CARD8: variants seen among roughly 807,000 people sequenced by gnomAD.
CARD8 encodes caspase recruitment domain family member 8.
A neutral mutation model predicts 53.2 loss-of-function variants in CARD8; 38 were observed. The observed-to-expected ratio is 0.71, with a 90% CI of 0.55 to 0.94. The LOEUF is 0.94. Among genes scored for constraint, CARD8 ranks in the 40% least tolerant of loss-of-function variants. The probability of loss-of-function intolerance (pLI) is 0.00; values close to 1 mark genes in which losing one functional copy is unlikely to be tolerated. For missense variants in CARD8, 561 were observed against 655.5 expected, an observed-to-expected ratio of 0.86 and a Z score of 1.57; for synonymous variants, 245 against 244.9, an observed-to-expected ratio of 1.00 and a Z score of 0.00.
rs2037975130 is a variant in CARD8, at chr19:48,211,590, T to G, written c.*120A>C. ...TACAAGTCTGTCCTGAAAGCCTGTG[T>G]GATAGATGTTACCCAGTCTTCTTCT... On this transcript the variant is annotated 3_prime_UTR_variant, in exon 14 of 14. Transcript: ENST00000651546. The G allele has an allele frequency of 2.1e-6, 2 of 949,348 alleles. No individual in the cohort carries two copies. Among genetic ancestry groups the G allele is most frequent in the Non-Finnish European group, 3.2e-6 (2 of 627,378 alleles). The allele number at this position is 949,348 out of a possible 1,614,324, so 58.8% of individuals were successfully genotyped here.
rs927557332 is a variant in CARD8 at position 48,241,265 on chromosome 19, C to CT, written c.-43-203dup. On this transcript the variant is annotated intron_variant, in intron 3 of 13. Transcript: ENST00000651546. ...TTGTAAAACAGAAACTAGAAACTTC[C>CT]TTTTTTTTTAGATGGAGTCTAGCTC... Among the ~76,000 whole-genome samples, 9 of 151,022 alleles carry CT rather than the reference C, an allele frequency of 6.0e-5. No individual in the cohort carries two copies. The East Asian group carries it at 7.8e-4, about 13-fold the overall frequency.
Position 48,209,441 on chromosome 19 carries a change from A to C in CARD8, c.*2269T>G, listed in dbSNP as rs2037678217. The C allele has an allele frequency of 6.6e-6, 1 of 152,174 alleles. No homozygotes were observed. 9.4% of individuals were successfully genotyped at this position (152,174 alleles called of 1,614,324 possible). A position where few individuals can be genotyped will look rare whatever the true frequency, so the allele number is the denominator to read the frequency against. ...CCAAAATTTAAAAGGTGGTGAATGC[A>C]CTCAGTGGGACGACACAGATAACAA... is the stretch of plus-strand genomic sequence containing the variant. On this transcript the variant is annotated 3_prime_UTR_variant, in exon 14 of 14. Coordinates refer to ENST00000651546, the MANE Select transcript of CARD8 (RefSeq NM_001184900.3).
At chr19:48,244,110 A>AT (rs2045705555) in intron 3 of CARD8, among the ~76,000 whole-genome samples, 1 of 152,072 alleles carries the variant, frequency 6.6e-6, no homozygotes, top group Non-Finnish European at 1.5e-5. Flanking sequence ...AGATATTCAA[A>AT]AATGAGAAAT....
intron 3 of CARD8, among the ~76,000 whole-genome samples, chr19:48,248,948 A>G (rs902480747): frequency 2.6e-5 from 4 of 152,264 alleles, no homozygotes; most frequent in African/African-American, 9.6e-5. Flanking sequence ...CTGTAATCCC[A>G]ACACTTTGGG....
At chr19:48,229,803 C>T (rs990057688) in intron 10 of CARD8, among the ~76,000 whole-genome samples, 1 of 152,162 alleles carries the variant, frequency 6.6e-6, no homozygotes, top group African/African-American at 2.4e-5. Context: ...GTGTAATTCA[C>T]ATATTATCCA....
At chr19:48,241,363 C>T (rs1185883284) in intron 3 of CARD8, among the ~76,000 whole-genome samples, 3 of 152,176 alleles carry the variant, frequency 2.0e-5, no homozygotes, top group Non-Finnish European at 4.4e-5. Context: ...TCAAGCGATT[C>T]TCCTGCCTCA....
At chr19:48,229,316 A>C (rs2042398556) in intron 10 of CARD8, among the ~76,000 whole-genome samples, 1 of 152,122 alleles carries the variant, frequency 6.6e-6, no homozygotes, top group African/African-American at 2.4e-5. Flanking sequence ...TAAGCATATG[A>C]GATTTGGGAA....
intron 13 of CARD8, among the ~76,000 whole-genome samples, chr19:48,212,598 G>A (rs1032485482): frequency 6.6e-6 from 1 of 152,200 alleles, no homozygotes; most frequent in Non-Finnish European, 1.5e-5. Flanking sequence ...AGGTTGAGGT[G>A]TGATTTTGAC....
intron 13 of CARD8, among the ~76,000 whole-genome samples, chr19:48,214,133 T>C (rs1221591569): frequency 1.3e-5 from 2 of 152,218 alleles, no homozygotes; most frequent in African/African-American, 4.8e-5. Flanking sequence ...ATCATACTCA[T>C]TGTCTGTATT....
chr19:48,253,127 C>T (rs146929305), intron 1 of CARD8, among the ~76,000 whole-genome samples: 32 of 152,140 alleles, frequency 2.1e-4, no homozygotes, highest in African/African-American at 6.7e-4. Flanking sequence ...TACAGGAAAA[C>T]GTATATGTAC....
Position 48,221,835 on chromosome 19 carries a change from A to T in CARD8, c.1056T>A (p.Asp352Glu). Residue 352 changes from aspartate to glutamate, a missense_variant, in exon 11 of 14, where the codon GAT becomes GAA. Asp to Glu is a conservative substitution (Grantham distance 45). Transcript: ENST00000651546. ...TCTGCAGGCGCACACCATGGAAGCG[A>T]TCTTCCTCATCATCTATCGCCTAAG... ...LLTKAIDDEE[D>E]RFHGVRLQTS... is the part of the protein sequence containing the mutation. 1 of 1,603,756 alleles carries T rather than the reference A, an allele frequency of 6.2e-7. No individual in the cohort carries two copies. The highest frequency in any genetic ancestry group is 8.5e-7 in the Non-Finnish European group (1 of 1,173,284).
chr19:48,255,322 T>C (rs1317789143), intron 1 of CARD8, among the ~76,000 whole-genome samples: 1 of 152,140 alleles, frequency 6.6e-6, no homozygotes, highest in Non-Finnish European at 1.5e-5. Context: ...GCCAAGATCA[T>C]GCCACTGTAC....
chr19:48,213,842 G>A (rs186541202), intron 13 of CARD8, among the ~76,000 whole-genome samples: 3 of 152,262 alleles, frequency 2.0e-5, no homozygotes, highest in Admixed American at 2.0e-4. Flanking sequence ...CTGTTTTGAA[G>A]AGCCAACACA....
At chr19:48,234,618 A>T (rs1359382057) in intron 5 of CARD8, 75 bp from the exon 6 acceptor site, 1 of 1,362,310 alleles carries the variant, frequency 7.3e-7, no homozygotes, top group Admixed American at 2.4e-5. Flanking sequence ...GTGCAGGAAG[A>T]TTTTATGTTA....
At chr19:48,203,170 T>C (rs1188785686), downstream of CARD8, 3 of 152,194 alleles carry the variant, frequency 2.0e-5, no homozygotes, top group African/African-American at 7.2e-5. Flanking sequence ...TCTTTAAATT[T>C]AATTCGTCTG....
Position 48,238,530 on chromosome 19 carries a change from T to C in CARD8, c.62A>G (p.Asp21Gly), listed in dbSNP as rs1028921538. 39 of 1,536,086 alleles carry C rather than the reference T, an allele frequency of 2.5e-5. No homozygotes were observed. The highest frequency in any genetic ancestry group is 3.4e-5 in the Non-Finnish European group (39 of 1,146,898). Residue 21 changes from aspartate to glycine, a missense_variant and splice_region_variant, in exon 5 of 14, where the codon GAC becomes GGC. Coordinates refer to ENST00000651546, the MANE Select transcript of CARD8 (RefSeq NM_001184900.3). ...SSSEEELPRR[D>G]SGSSRNIDAS... ...ATCTATGTTCCTACTGGATCCACTG[T>C]CCCTGGGAAAACACAAATGGAATTG...
At chr19:48,234,608 G>A in intron 5 of CARD8, 65 bp from the exon 6 acceptor site, 1 of 1,430,922 alleles carries the variant, frequency 7.0e-7, no homozygotes, top group Non-Finnish European at 9.5e-7. Flanking sequence ...AGCATAGGCT[G>A]TGCAGGAAGA....
At chr19:48,247,600 T>C (rs955000655) in intron 3 of CARD8, among the ~76,000 whole-genome samples, 4 of 151,742 alleles carry the variant, frequency 2.6e-5, no homozygotes, top group Non-Finnish European at 4.4e-5. Context: ...ATATATACAG[T>C]AACACCACAG....
intron 10 of CARD8, among the ~76,000 whole-genome samples, chr19:48,227,544 C>T (rs2042024132): frequency 6.6e-6 from 1 of 152,090 alleles, no homozygotes; most frequent in Non-Finnish European, 1.5e-5. Flanking sequence ...GTGGTCCATG[C>T]TTGTAATCCC....
Sources: allele counts gnomAD v4.1 joint callset (sites outside exome capture counted in the v4.1 genomes callset), GRCh38; gene constraint gnomAD v4.1.1; transcripts MANE v1.5; gene names NCBI Gene and HGNC (gene_info 2026-07-23, HGNC 2026-07-21).